The following HMCN1 variants were observed in gnomAD, a reference collection of about 807,000 sequenced individuals.
HMCN1 encodes hemicentin-1.
HMCN1 carries 321 observed loss-of-function variants against 625.9 expected under a neutral mutation model. The observed-to-expected ratio is 0.51, with a 90% CI of 0.47 to 0.56. The LOEUF is 0.56. HMCN1 is among the 20% of genes least tolerant of loss of function. HMCN1 has a pLI of 0.00. For missense variants in HMCN1, 6,588 were observed against 6,887.3 expected, an observed-to-expected ratio of 0.96 and a Z score of 1.54; for synonymous variants, 2,425 against 2,417.6, an observed-to-expected ratio of 1.00 and a Z score of -0.09.
At chr1:185,750,498 G>A (rs1654729424) in intron 1 of HMCN1, among the ~76,000 whole-genome samples, 3 of 151,978 alleles carry the variant, frequency 2.0e-5, no homozygotes, top group Admixed American at 1.3e-4. Flanking sequence ...ATGTTGTTAG[G>A]TACATACTGG....
intron 105 of HMCN1, among the ~76,000 whole-genome samples, chr1:186,185,959 ACTTTAAAAAATTAACCACTAAAGTTT>A (rs1306773836): frequency 6.6e-6 from 1 of 152,192 alleles, no homozygotes. Flanking sequence ...CTTTACTCAT[ACTTTAAAAAATTAACCACTAAAGTTT>A]CTTATAAGTT....
chr1:185,922,510 G>A lies in HMCN1; in HGVS notation c.1021+11G>A, dbSNP rs1463661371. On this transcript the variant is annotated intron_variant, in intron 7 of 106. Transcript: ENST00000271588. ...GCAGACCAGTGCAAGGTTTGTATGT[G>A]CATATTATTTAAATTGACATAATAG... 6.2e-7 allele frequency: 1 copy of A among 1,600,390 alleles called. No individual in the cohort carries two copies. Among genetic ancestry groups the A allele is most frequent in the East Asian group, 2.3e-5 (1 of 44,364 alleles).
intron 97 of HMCN1, among the ~76,000 whole-genome samples, chr1:186,162,598 G>A (rs1450307106): frequency 6.6e-6 from 1 of 152,006 alleles, no homozygotes; most frequent in Non-Finnish European, 1.5e-5. Flanking sequence ...TTTGGTGTGG[G>A]TGTCCTTTCT....
chr1:185,779,628 G>C (rs185592594), intron 1 of HMCN1, among the ~76,000 whole-genome samples: 198 of 152,230 alleles, frequency 1.3e-3, no homozygotes, highest in African/African-American at 4.5e-3. Flanking sequence ...TCTTGTTTTT[G>C]TCAGGTTTGT....
chr1:185,738,367 A>G (rs1482938883), intron 1 of HMCN1, among the ~76,000 whole-genome samples: 1 of 152,082 alleles, frequency 6.6e-6, no homozygotes, highest in Non-Finnish European at 1.5e-5. Context: ...TTGCTTCTAT[A>G]GATTTTTCTG....
chr1:185,998,248 C>T (rs939623925), intron 25 of HMCN1, among the ~76,000 whole-genome samples: 1 of 152,112 alleles, frequency 6.6e-6, no homozygotes, highest in South Asian at 2.1e-4. Flanking sequence ...TCCATAACCT[C>T]CTGAATGCCT....
chr1:185,784,204 G>T (rs1657386329), intron 1 of HMCN1, among the ~76,000 whole-genome samples: 1 of 152,214 alleles, frequency 6.6e-6, no homozygotes, highest in African/African-American at 2.4e-5. Context: ...CATTGGAAAA[G>T]CGCAGTATTA....
intron 14 of HMCN1, among the ~76,000 whole-genome samples, chr1:185,968,928 A>G (rs1341908038): frequency 6.6e-6 from 1 of 152,218 alleles, no homozygotes; most frequent in Non-Finnish European, 1.5e-5. Flanking sequence ...TAAAACAGAA[A>G]CTTAATTGAA....
Position 186,187,950 on chromosome 1 carries a change from A to G in HMCN1, c.16482A>G (p.Gly5494=). The change falls in exon 106 of 107, where the codon GGA becomes GGG. Residue 5494 remains glycine (G), a synonymous_variant. Transcript: ENST00000271588. ...ATCGCATGTGCTTCAACATGAGAGG[A>G]AGCTACCAGTGCATCGATACACCCT... is the stretch of plus-strand genomic sequence containing the variant. ...GPNRMCFNMR[G]SYQCIDTPCP... is the part of the protein sequence containing the mutation. 1 of 1,613,840 alleles carries G rather than the reference A, an allele frequency of 6.2e-7. No individual in the cohort carries two copies. The highest frequency in any genetic ancestry group is 8.5e-7 in the Non-Finnish European group (1 of 1,179,824).
chr1:185,769,625 A>G (rs1458192164), intron 1 of HMCN1, among the ~76,000 whole-genome samples: 2 of 152,188 alleles, frequency 1.3e-5, no homozygotes, highest in African/African-American at 4.8e-5. Flanking sequence ...AAATTATTCC[A>G]AAACTTAAAT....
intron 2 of HMCN1, among the ~76,000 whole-genome samples, chr1:185,858,905 CA>C: frequency 6.6e-6 from 1 of 151,776 alleles, no homozygotes; most frequent in South Asian, 2.1e-4. Context: ...TAAAAATGAA[CA>C]ATTTTAGCAA....
rs1362078201 is a variant in HMCN1 at position 186,076,537 on chromosome 1, G to A, written c.8400G>A (p.Glu2800=). ...IINNPISLYC[E]TNAAPPPTLT... is the part of the protein sequence containing the mutation. ...ACAATCCCATTTCTCTTTACTGTGA[G>A]ACAAATGCTGCTCCCCCTCCTACAC... The change falls in exon 54 of 107, where the codon GAG becomes GAA. Residue 2800 remains glutamate, a synonymous_variant. Coordinates refer to ENST00000271588, the MANE Select transcript of HMCN1 (RefSeq NM_031935.3). 2.5e-6 allele frequency: 4 copies of A among 1,613,712 alleles called. No homozygotes were observed. The highest frequency in any genetic ancestry group is 3.4e-6 in the Non-Finnish European group (4 of 1,179,834).
intron 93 of HMCN1, among the ~76,000 whole-genome samples, chr1:186,149,354 G>A (rs1385323760): frequency 1.3e-5 from 2 of 152,170 alleles, no homozygotes; most frequent in South Asian, 2.1e-4. Flanking sequence ...AGCATGTGCT[G>A]TTCTACCTTG....
At chr1:185,844,093 A>C (rs1053971742) in intron 1 of HMCN1, among the ~76,000 whole-genome samples, 1 of 152,186 alleles carries the variant, frequency 6.6e-6, no homozygotes, top group East Asian at 1.9e-4. Context: ...CAATGTGGGA[A>C]CATAGAAGCT....
intron 31 of HMCN1, among the ~76,000 whole-genome samples, 196 bp from the exon 32 acceptor site, chr1:186,015,762 C>A (rs187391146): frequency 1.3e-5 from 2 of 152,180 alleles, no homozygotes; most frequent in African/African-American, 4.8e-5. Context: ...TCCAGAGTTT[C>A]CAGAATAATT....
At chr1:185,845,756 T>G (rs112199089) in intron 1 of HMCN1, among the ~76,000 whole-genome samples, 1 of 152,254 alleles carries the variant, frequency 6.6e-6, no homozygotes, top group Non-Finnish European at 1.5e-5. Flanking sequence ...GAACTGGAAC[T>G]GTGCTCTCCT....
At chr1:185,799,338 A>G (rs755736247) in intron 1 of HMCN1, among the ~76,000 whole-genome samples, 1 of 152,174 alleles carries the variant, frequency 6.6e-6, no homozygotes, top group Non-Finnish European at 1.5e-5. Flanking sequence ...CCAGGCCAGT[A>G]GAGGAGGAAA....
intron 86 of HMCN1, among the ~76,000 whole-genome samples, chr1:186,134,102 G>T (rs928309375): frequency 6.6e-6 from 1 of 152,118 alleles, no homozygotes; most frequent in Admixed American, 6.5e-5. Flanking sequence ...ATTTTAGTAA[G>T]TGAGGCATAT....
chr1:186,021,831 A>C (rs945467460), intron 35 of HMCN1, among the ~76,000 whole-genome samples: 4 of 152,100 alleles, frequency 2.6e-5, no homozygotes, highest in Non-Finnish European at 4.4e-5. Context: ...TTATTCTGGC[A>C]ACAATATGCA....
Sources: allele counts gnomAD v4.1 joint callset (sites outside exome capture counted in the v4.1 genomes callset), GRCh38; gene constraint gnomAD v4.1.1; transcripts MANE v1.5; gene names NCBI Gene and HGNC (gene_info 2026-07-23, HGNC 2026-07-21).